The following CDKL1 variants were observed in gnomAD, a reference collection of about 807,000 sequenced individuals.
The protein encoded by CDKL1 is cyclin-dependent kinase-like 1.
Under a neutral mutation model 42.0 loss-of-function variants are expected in CDKL1, and 41 were observed. That is an observed-to-expected ratio of 0.98 (90% confidence interval 0.76 to 1.27). The LOEUF (loss-of-function observed/expected upper bound fraction) is 1.27. Among genes scored for constraint, CDKL1 ranks in the 50% most tolerant of loss-of-function variants. The probability of loss-of-function intolerance (pLI) is 0.00; values close to 1 mark genes in which losing one functional copy is unlikely to be tolerated. For missense variants in CDKL1, 394 were observed against 428.4 expected (o/e 0.92, Z 0.71); for synonymous variants, 153 against 158.6 (o/e 0.96, Z 0.26).
At chr14:50,382,937 T>G (rs1035267507) in intron 2 of CDKL1, among the ~76,000 whole-genome samples, 3 of 151,644 alleles carry the variant, frequency 2.0e-5, no homozygotes, top group Non-Finnish European at 4.4e-5. Context: ...TTTGTTTTTT[T>G]TTTTTTTTGA....
intron 7 of CDKL1, chr14:50,335,020 C>T (rs1014373991): frequency 5.7e-5 from 11 of 194,242 alleles, no homozygotes; most frequent in Non-Finnish European, 9.3e-5. Context: ...AGGTAGCTGG[C>T]TGGGTGCGGT....
intron 2 of CDKL1, among the ~76,000 whole-genome samples, chr14:50,362,602 G>A (rs1566593584): frequency 1.3e-5 from 2 of 152,092 alleles, no homozygotes. Flanking sequence ...CTAGCTCAGG[G>A]TTTGTGAATG....
At chr14:50,394,645 G>T (rs2035347824) in intron 2 of CDKL1, among the ~76,000 whole-genome samples, 1 of 152,214 alleles carries the variant, frequency 6.6e-6, no homozygotes, top group South Asian at 2.1e-4. Flanking sequence ...GGTCAGAACA[G>T]AGAGGCCATA....
intron 3 of CDKL1, among the ~76,000 whole-genome samples, chr14:50,356,347 G>A (rs1388179657): frequency 6.6e-6 from 1 of 152,058 alleles, no homozygotes; most frequent in African/African-American, 2.4e-5. Flanking sequence ...TTTGCCCAAG[G>A]TCACACAGAT....
At position 50,359,106 on chromosome 14, in the gene CDKL1, C is replaced by G; in HGVS notation, c.212G>C (p.Arg71Thr). The G allele has an allele frequency of 3.1e-6, 5 of 1,612,974 alleles. No individual in the cohort carries two copies. The highest frequency in any genetic ancestry group is 4.2e-6 in the Non-Finnish European group (5 of 1,179,098). The change falls in exon 3 of 10, where the codon AGG (arginine) becomes ACG (threonine). Residue 71 changes from arginine (R) to threonine (T), a missense_variant. By Grantham distance (71) the Arg-to-Thr change is moderately conservative (BLOSUM62 -1). Transcript: ENST00000395834. ...CACCAGGTGAAGCCTCCGTTTCCTC[C>G]TGAAGACTTCCAGGAGGTTAACAAG... Reference protein sequence around the residue: ...PNLVNLLEVFRRKRRLHLVFE... With the variant: ...PNLVNLLEVFTRKRRLHLVFE...
intron 3 of CDKL1, among the ~76,000 whole-genome samples, chr14:50,357,640 G>C (rs1316221445): frequency 6.6e-6 from 1 of 152,176 alleles, no homozygotes; most frequent in African/African-American, 2.4e-5. Flanking sequence ...CCCAGGACCT[G>C]CTAATCATTC....
chr14:50,346,436 G>A (rs1385835869), intron 3 of CDKL1, among the ~76,000 whole-genome samples: 5 of 151,982 alleles, frequency 3.3e-5, no homozygotes, highest in Admixed American at 1.3e-4. Context: ...AGACATTAGG[G>A]GGAATGCTTT....
At chr14:50,361,492 A>G (rs2034245569) in intron 2 of CDKL1, among the ~76,000 whole-genome samples, 1 of 152,246 alleles carries the variant, frequency 6.6e-6, no homozygotes, top group Non-Finnish European at 1.5e-5. Context: ...CATGCTGGGA[A>G]ATCCAAGATC....
At chr14:50,385,202 T>G (rs2035041680) in intron 2 of CDKL1, among the ~76,000 whole-genome samples, 1 of 151,818 alleles carries the variant, frequency 6.6e-6, no homozygotes, top group South Asian at 2.1e-4. Context: ...AAATCATTTT[T>G]ACAATTGAGA....
chr14:50,367,146 A>T (rs2034457265), intron 2 of CDKL1, among the ~76,000 whole-genome samples: 1 of 152,204 alleles, frequency 6.6e-6, no homozygotes, highest in Non-Finnish European at 1.5e-5. Context: ...CCTTAAGATG[A>T]GAGAGAAGAC....
In CDKL1 at chr14:50,341,315, T is replaced by C. The variant is rs11570839; in HGVS notation, c.455-83A>G. Reference sequence around the variant, plus strand: ...AGGGGGAGATCTCAGAAGTCAAGCCTGTGCCCAATTTTGTGGCCTTTCTAT... The same window carrying C: ...AGGGGGAGATCTCAGAAGTCAAGCCCGTGCCCAATTTTGTGGCCTTTCTAT... On this transcript the variant is annotated intron_variant, in intron 5 of 9. Transcript: ENST00000395834. The C allele has an allele frequency of 1.9e-3, 2,867 of 1,477,648 alleles. 118 individuals carry two copies. The Admixed American group carries it at 0.062, about 32-fold the overall frequency. The allele number at this position is 1,477,648 out of a possible 1,614,324, so 91.5% of individuals were successfully genotyped here.
intron 2 of CDKL1, among the ~76,000 whole-genome samples, chr14:50,376,704 A>T (rs2034741777): frequency 6.6e-6 from 1 of 152,250 alleles, no homozygotes; most frequent in South Asian, 2.1e-4. Flanking sequence ...TTCCATTTTC[A>T]TATATTCACT....
intron 2 of CDKL1, among the ~76,000 whole-genome samples, chr14:50,366,551 G>A (rs891197393): frequency 1.3e-5 from 2 of 152,198 alleles, no homozygotes; most frequent in South Asian, 2.1e-4. Flanking sequence ...GACGTGATAT[G>A]ATACCATGGG....
At chr14:50,340,906 C>T (rs11570840) in intron 6 of CDKL1, 126 bp downstream of exon 6, 181,834 of 949,418 alleles carry the variant, frequency 0.19, 19,553 homozygotes, top group African/African-American at 0.34. Context: ...AATGAGGCTT[C>T]GAGTTTTCCT....
intron 4 of CDKL1, chr14:50,342,959 G>C: frequency 7.4e-7 from 1 of 1,357,938 alleles, no homozygotes; most frequent in Non-Finnish European, 9.8e-7. Context: ...AGTGCTCTGA[G>C]AGCTGCAGCC....
rs11570832 is a variant in CDKL1, at chr14:50,342,820, T to C, written c.364-598A>G. The C allele has an allele frequency of 0.011, 13,095 of 1,153,320 alleles. 801 individuals are homozygous for C. In the African/African-American group the frequency reaches 0.16, roughly 14 times the overall value. The allele number at this position is 1,153,320 out of a possible 1,614,324, so 71.4% of individuals were successfully genotyped here. A position where few individuals can be genotyped will look rare whatever the true frequency, so the allele number is the denominator to read the frequency against. ...CTGAGATAAGCTGGGAAGAGAAGGG[T>C]GGCAACCACAGCTTGCCAAGAGATT... On this transcript the variant is annotated intron_variant, in intron 4 of 9. Transcript: ENST00000395834.
intron 2 of CDKL1, among the ~76,000 whole-genome samples, chr14:50,379,517 C>T (rs2034841234): frequency 6.6e-6 from 1 of 152,142 alleles, no homozygotes; most frequent in African/African-American, 2.4e-5. Context: ...GATAAGATTC[C>T]AGAGTGGCAG....
At chr14:50,353,530 AATT>A (rs1279087740) in intron 3 of CDKL1, among the ~76,000 whole-genome samples, 16 of 20,436 alleles carry the variant, frequency 7.8e-4, no homozygotes, top group Non-Finnish European at 1.9e-3. Context: ...TATTACTAAG[AATT>A]TATCCTAAAG....
At chr14:50,395,432 T>C (rs936958131) in intron 2 of CDKL1, among the ~76,000 whole-genome samples, 2 of 152,262 alleles carry the variant, frequency 1.3e-5, no homozygotes, top group Non-Finnish European at 2.9e-5. Flanking sequence ...TGAAGTAAGA[T>C]ATAACCATGT....
Sources: allele counts gnomAD v4.1 joint callset (sites outside exome capture counted in the v4.1 genomes callset), GRCh38; gene constraint gnomAD v4.1.1; transcripts MANE v1.5; gene names NCBI Gene and HGNC (gene_info 2026-07-23, HGNC 2026-07-21).